Variants in EBF2 observed in about 807,000 individuals in gnomAD.
The protein encoded by EBF2 is EBF transcription factor 2.
EBF2 carries 21 observed loss-of-function variants against 72.8 expected under a neutral mutation model. The ratio of observed to expected loss-of-function variants is 0.29; its 90% CI spans 0.20 to 0.42. The LOEUF (loss-of-function observed/expected upper bound fraction) is 0.42. EBF2 is among the 10% of genes least tolerant of loss of function. The probability of loss-of-function intolerance (pLI) is 1.00; values close to 1 mark genes in which losing one functional copy is unlikely to be tolerated. For missense variants in EBF2, 637 were observed against 731.2 expected (o/e 0.87, Z 1.49); for synonymous variants, 299 against 274.2 (o/e 1.09, Z -0.89).
intron 10 of EBF2, among the ~76,000 whole-genome samples, chr8:25,880,925 T>G (rs1236853045): frequency 6.6e-6 from 1 of 152,178 alleles, no homozygotes; most frequent in Non-Finnish European, 1.5e-5. Context: ...ACCCACCCAA[T>G]TTTTCAACTC....
intron 10 of EBF2, among the ~76,000 whole-genome samples, chr8:25,883,285 C>T (rs554586107): frequency 6.6e-6 from 1 of 152,294 alleles, no homozygotes; most frequent in South Asian, 2.1e-4. Context: ...AAAATGTCAG[C>T]TATTGCTACC....
chr8:25,949,490 C>T (rs761657393), intron 6 of EBF2, among the ~76,000 whole-genome samples: 129 of 152,208 alleles, frequency 8.5e-4, no homozygotes, highest in Admixed American at 2.0e-3. Context: ...ACAAGAGGTG[C>T]GCCCTGATAA....
At chr8:25,918,025 C>A (rs2117131199) in intron 6 of EBF2, among the ~76,000 whole-genome samples, 1 of 152,320 alleles carries the variant, frequency 6.6e-6, no homozygotes, top group East Asian at 1.9e-4. Context: ...CTATTTCACA[C>A]CTGCCAGAAC....
At chr8:25,891,722 T>C (rs1203366697) in intron 7 of EBF2, among the ~76,000 whole-genome samples, 2 of 152,020 alleles carry the variant, frequency 1.3e-5, no homozygotes, top group African/African-American at 4.8e-5. Flanking sequence ...GGATTACAGA[T>C]GCCTGCCACC....
intron 10 of EBF2, among the ~76,000 whole-genome samples, chr8:25,881,125 T>A (rs958241153): frequency 1.3e-5 from 2 of 152,192 alleles, no homozygotes; most frequent in African/African-American, 4.8e-5. Flanking sequence ...CCTCCCTGCA[T>A]CCAACCTGGC....
chr8:25,884,779 C>T (rs1802663086), intron 10 of EBF2, among the ~76,000 whole-genome samples: 1 of 152,092 alleles, frequency 6.6e-6, no homozygotes, highest in African/African-American at 2.4e-5. Context: ...GAAAATAACA[C>T]CTGAGATGTG....
In EBF2 at chr8:25,905,239, G is replaced by T. The variant is rs190789614; in HGVS notation, c.633+3235C>A. Among the ~76,000 whole-genome samples the T allele has an allele frequency of 9.3e-4, 141 of 152,284 alleles. 2 individuals are homozygous for T. In the East Asian group the frequency reaches 0.017, roughly 18 times the overall value. On this transcript the variant is annotated intron_variant, in intron 7 of 15. Transcript: ENST00000520164. ...TTGACACCTTCACAGATTACCAGTG[G>T]AAATGTAAAATGGTGCAACCACTAT...
chr8:25,943,325 A>AG (rs1433717495), intron 6 of EBF2, among the ~76,000 whole-genome samples: 246 of 150,554 alleles, frequency 1.6e-3, no homozygotes, highest in African/African-American at 5.7e-3. Flanking sequence ...AAAAAAAAAA[A>AG]AAAAAAAAGA....
At chr8:25,885,541 C>T (rs1802675196) in intron 10 of EBF2, among the ~76,000 whole-genome samples, 1 of 152,162 alleles carries the variant, frequency 6.6e-6, no homozygotes, top group African/African-American at 2.4e-5. Context: ...GCTGTGTCCC[C>T]ACCCAAATCT....
chr8:25,931,033 A>T (rs1012179594), intron 6 of EBF2, among the ~76,000 whole-genome samples: 8 of 152,160 alleles, frequency 5.3e-5, no homozygotes, highest in African/African-American at 1.9e-4. Flanking sequence ...TTCAAACTAA[A>T]TTTTTATTGA....
At position 25,844,425 on chromosome 8, in the gene EBF2, G is replaced by A. The variant is rs904413412; in HGVS notation, c.*184C>T. 9.9e-6 allele frequency: 6 copies of A among 608,050 alleles called. No homozygotes were observed. Among genetic ancestry groups the A allele is most frequent in the Non-Finnish European group, 1.7e-5 (6 of 343,384 alleles). 37.7% of individuals were successfully genotyped at this position (608,050 alleles called of 1,614,324 possible). A position where few individuals can be genotyped will look rare whatever the true frequency, so the allele number is the denominator to read the frequency against. ...CCTTGTCCCAAGAGGGTCAGTTTGT[G>A]TAGCCACCATCAGAGCTATAGGAGG... On this transcript the variant is annotated 3_prime_UTR_variant, in exon 16 of 16. Transcript: ENST00000520164.
chr8:25,950,507 C>A (rs1269149655), intron 6 of EBF2, among the ~76,000 whole-genome samples: 1 of 152,234 alleles, frequency 6.6e-6, no homozygotes, highest in Admixed American at 6.5e-5. Context: ...ACCCAGGCCG[C>A]CACTGGCCAC....
Position 25,973,566 on chromosome 8 carries a change from A to G in EBF2, c.551+59519T>C, listed in dbSNP as rs189954595. Reference sequence around the variant, plus strand: ...TAAAAATGCAAACTACATTTTAATAAAAGTTAACTTAAAAGAAAACAAACA... The same window carrying G: ...TAAAAATGCAAACTACATTTTAATAGAAGTTAACTTAAAAGAAAACAAACA... On this transcript the variant is annotated intron_variant, in intron 6 of 15. Transcript: ENST00000520164. Among the ~76,000 whole-genome samples the G allele has an allele frequency of 3.9e-3, 595 of 152,382 alleles. 20 individuals are homozygous for G. In the East Asian group the frequency reaches 0.095, roughly 24 times the overall value.
chr8:26,044,713 G>C lies in EBF2; in HGVS notation c.131+16C>G. The C allele has an allele frequency of 6.2e-7, 1 of 1,612,718 alleles. No homozygotes were observed. Among genetic ancestry groups the C allele is most frequent in the South Asian group, 1.1e-5 (1 of 91,026 alleles). Reference sequence around the variant, plus strand: ...GAGCGAGAGACAGCATAATAATTGCGCGGCCGTGTCGTTACCTCTGCGCGG... The same window carrying C: ...GAGCGAGAGACAGCATAATAATTGCCCGGCCGTGTCGTTACCTCTGCGCGG... On this transcript the variant is annotated intron_variant, in intron 1 of 15. Coordinates refer to ENST00000520164, the MANE Select transcript of EBF2 (RefSeq NM_022659.4). The surrounding 1 kb of genome is among the most constrained non-coding windows in gnomAD (Gnocchi z 4.1).
intron 1 of EBF2, among the ~76,000 whole-genome samples, chr8:26,043,306 C>T (rs1266926037): frequency 6.6e-6 from 1 of 152,260 alleles, no homozygotes; most frequent in African/African-American, 2.4e-5. Context: ...TGCGCAAGCA[C>T]CTTCATTCAC....
chr8:25,870,713 C>T lies in EBF2; in HGVS notation c.1010-7916G>A, dbSNP rs139786702. On this transcript the variant is annotated intron_variant, in intron 10 of 15. Coordinates refer to ENST00000520164, the MANE Select transcript of EBF2 (RefSeq NM_022659.4). ...CTCTTGCCTGCCCTCCCCTCCCCAG[C>T]TCCCAAATTAGACATGGCAGAGTAT... Among the ~76,000 whole-genome samples the T allele has an allele frequency of 1.0e-3, 158 of 152,302 alleles. 1 individual carries two copies. Among genetic ancestry groups the T allele is most frequent in the African/African-American group, 3.7e-3 (153 of 41,578 alleles).
chr8:25,991,384 C>T (rs1439211037), intron 6 of EBF2, among the ~76,000 whole-genome samples: 1 of 152,182 alleles, frequency 6.6e-6, no homozygotes, highest in Non-Finnish European at 1.5e-5. Context: ...GAACCACCAC[C>T]TATTGAGGCC....
chr8:25,960,201 G>A (rs1804014276), intron 6 of EBF2, among the ~76,000 whole-genome samples: 1 of 152,222 alleles, frequency 6.6e-6, no homozygotes, highest in South Asian at 2.1e-4. Flanking sequence ...AAAGATGAAA[G>A]AGTCCTCAAC....
chr8:25,872,978 T>C (rs1802466034), intron 10 of EBF2, among the ~76,000 whole-genome samples: 1 of 152,210 alleles, frequency 6.6e-6, no homozygotes, highest in African/African-American at 2.4e-5. Context: ...TCTTCCCACA[T>C]GTTCATTCCC....
Sources: gnomAD v4.1 joint callset for allele counts (sites outside exome capture counted in the v4.1 genomes callset) on GRCh38, gnomAD v4.1.1 for gene constraint, Gnocchi (gnomAD v3.1) non-coding constraint, MANE v1.5 for transcripts, NCBI Gene and HGNC (gene_info 2026-07-23, HGNC 2026-07-21) for gene names.